The following ARSK variants were observed in gnomAD, a reference collection of about 807,000 sequenced individuals.
ARSK encodes arylsulfatase K.
ARSK carries 37 observed loss-of-function variants against 53.2 expected under a neutral mutation model. The ratio of observed to expected loss-of-function variants is 0.70; its 90% CI spans 0.54 to 0.92. The LOEUF is 0.92. Ranked by LOEUF, ARSK falls within the 40% of genes least tolerant of loss-of-function variation. The pLI is 0.00. For missense variants in ARSK, 613 were observed against 643.0 expected, an observed-to-expected ratio of 0.95 and a Z score of 0.51; for synonymous variants, 208 against 223.2, an observed-to-expected ratio of 0.93 and a Z score of 0.61.
intron 6 of ARSK, among the ~76,000 whole-genome samples, chr5:95,597,597 A>G (rs915899953): frequency 2.0e-5 from 3 of 152,188 alleles, no homozygotes; most frequent in Non-Finnish European, 4.4e-5. Context: ...TTTCTCATCA[A>G]TGAAAATGGG....
intron 3 of ARSK, among the ~76,000 whole-genome samples, chr5:95,572,893 C>G (rs924094969): frequency 3.9e-5 from 6 of 152,184 alleles, no homozygotes; most frequent in Non-Finnish European, 7.3e-5. Context: ...ACACCACCCC[C>G]ACCTCTACCC....
Position 95,586,841 on chromosome 5 carries a change from A to C in ARSK, c.871+108A>C, listed in dbSNP as rs1749121399. 3.2e-6 allele frequency: 3 copies of C among 927,900 alleles called. No homozygotes were observed. The South Asian group carries it at 6.3e-5, about 20-fold the overall frequency. The allele number at this position is 927,900 out of a possible 1,614,324, so 57.5% of individuals were successfully genotyped here. A position where few individuals can be genotyped will look rare whatever the true frequency, so the allele number is the denominator to read the frequency against. Reference sequence around the variant, plus strand: ...CTTTCTTACAAAGTTGCTTATAACTATAGGAATCTTGACACTTATCAAAAC... The same window carrying C: ...CTTTCTTACAAAGTTGCTTATAACTCTAGGAATCTTGACACTTATCAAAAC... On this transcript the variant is annotated intron_variant, in intron 5 of 7. Transcript: ENST00000380009.
chr5:95,585,241 C>T (rs974017123), intron 4 of ARSK, among the ~76,000 whole-genome samples: 1 of 152,152 alleles, frequency 6.6e-6, no homozygotes, highest in Non-Finnish European at 1.5e-5. Flanking sequence ...TAAACTAGTA[C>T]AACCACGATG....
At position 95,603,367 on chromosome 5, in the gene ARSK, T is replaced by C. The variant is rs1233543228; in HGVS notation, c.1452T>C (p.Asn484=). Residue 484 remains asparagine (N), a synonymous_variant, in exon 8 of 8, where the codon AAT becomes AAC. Transcript: ENST00000380009. ...TTTCTGCTTCTGTCCACCAGTATAATAAAGAGCAGTTTATCAAGTGGAAAC... is the reference window on the plus strand; with the variant it reads ...TTTCTGCTTCTGTCCACCAGTATAACAAAGAGCAGTTTATCAAGTGGAAAC... ...PKVSASVHQY[N]KEQFIKWKQS... 1.2e-6 allele frequency: 2 copies of C among 1,613,608 alleles called. No individual in the cohort carries two copies. Among genetic ancestry groups the C allele is most frequent in the Non-Finnish European group, 1.7e-6 (2 of 1,179,790 alleles).
intron 3 of ARSK, among the ~76,000 whole-genome samples, chr5:95,574,670 C>T (rs953113131): frequency 3.3e-5 from 5 of 151,408 alleles, no homozygotes; most frequent in Non-Finnish European, 7.4e-5. Flanking sequence ...AGATCTTTTG[C>T]CCATTATTTA....
chr5:95,573,225 A>G (rs1456805085), intron 3 of ARSK, among the ~76,000 whole-genome samples: 1 of 152,170 alleles, frequency 6.6e-6, no homozygotes, highest in Non-Finnish European at 1.5e-5. Flanking sequence ...ACACTATTAC[A>G]TCAATTTTTT....
intron 6 of ARSK, among the ~76,000 whole-genome samples, chr5:95,598,626 A>T (rs191436662): frequency 6.6e-6 from 1 of 152,234 alleles, no homozygotes; most frequent in African/African-American, 2.4e-5. Flanking sequence ...TGTTAGTGTC[A>T]GACTGTCACA....
intron 6 of ARSK, among the ~76,000 whole-genome samples, chr5:95,599,002 C>T (rs930808174): frequency 6.6e-6 from 1 of 152,192 alleles, no homozygotes; most frequent in African/African-American, 2.4e-5. Flanking sequence ...CCATCACTCT[C>T]TATCTCCCTT....
At chr5:95,556,191 T>C in intron 1 of ARSK, 1 of 702,376 alleles carries the variant, frequency 1.4e-6, no homozygotes, top group South Asian at 1.5e-5. Context: ...TCATATGTTG[T>C]ATTTCCTTTC....
Position 95,555,205 on chromosome 5 carries a change from C to G in ARSK, c.-74C>G. ...TTTGGGAGTTGTTCGCTGTCCCTGCCCTGCTCTGCTAGGGAGAGAACGCCA... is the reference window on the plus strand; with the variant it reads ...TTTGGGAGTTGTTCGCTGTCCCTGCGCTGCTCTGCTAGGGAGAGAACGCCA... On this transcript the variant is annotated 5_prime_UTR_variant, in exon 1 of 8. Coordinates refer to ENST00000380009, the MANE Select transcript of ARSK (RefSeq NM_198150.3). The surrounding 1 kb of genome is among the most constrained non-coding windows in gnomAD (Gnocchi z 4.0). 6.8e-7 allele frequency: 1 copy of G among 1,462,194 alleles called. No homozygotes were observed. The highest frequency in any genetic ancestry group is 9.2e-7 in the Non-Finnish European group (1 of 1,086,298). 90.6% of individuals were successfully genotyped at this position (1,462,194 alleles called of 1,614,324 possible). A position where few individuals can be genotyped will look rare whatever the true frequency, so the allele number is the denominator to read the frequency against.
chr5:95,582,020 G>A (rs997570720), intron 3 of ARSK, among the ~76,000 whole-genome samples: 3 of 151,934 alleles, frequency 2.0e-5, no homozygotes, highest in African/African-American at 7.3e-5. Flanking sequence ...TAGTCATTTT[G>A]TATGAATTGC....
In ARSK at chr5:95,555,140, G is replaced by T. The variant is rs1316100884; in HGVS notation, c.-139G>T. ...CCTGATAGGAGTTGTAGTTCTGCGG[G>T]TGAAGCTCGGCGTTACTATCAAGCA... is the stretch of plus-strand genomic sequence containing the variant. On this transcript the variant is annotated 5_prime_UTR_variant, in exon 1 of 8. Transcript: ENST00000380009. This position sits in a 1 kb window ranked among gnomAD's most constrained non-coding sequence, Gnocchi z 4.0. The T allele has an allele frequency of 2.9e-6, 2 of 678,868 alleles. No homozygotes were observed. The highest frequency in any genetic ancestry group is 3.7e-5 in the African/African-American group (2 of 53,746). 42.1% of individuals were successfully genotyped at this position (678,868 alleles called of 1,614,324 possible). A position where few individuals can be genotyped will look rare whatever the true frequency, so the allele number is the denominator to read the frequency against.
intron 1 of ARSK, among the ~76,000 whole-genome samples, chr5:95,559,248 T>C (rs775517169): frequency 5.9e-5 from 9 of 152,262 alleles, no homozygotes; most frequent in Admixed American, 3.3e-4. Context: ...AGAGCAAAGA[T>C]CCTCAACAAA....
intron 3 of ARSK, among the ~76,000 whole-genome samples, chr5:95,572,169 A>G (rs1047442649): frequency 2.6e-5 from 4 of 152,192 alleles, no homozygotes; most frequent in African/African-American, 9.7e-5. Flanking sequence ...ACACCACACC[A>G]TACTAGGATC....
chr5:95,579,535 A>G (rs1041165531), intron 3 of ARSK, among the ~76,000 whole-genome samples: 3 of 152,232 alleles, frequency 2.0e-5, no homozygotes, highest in Admixed American at 2.0e-4. Context: ...AATGAGTCCC[A>G]TCAGGTCCCT....
chr5:95,572,726 C>A (rs369235790), intron 3 of ARSK, among the ~76,000 whole-genome samples: 1 of 149,222 alleles, frequency 6.7e-6, no homozygotes, highest in African/African-American at 2.6e-5. Flanking sequence ...TGCAGCGAGC[C>A]GAGATTGCAC....
chr5:95,579,408 A>G (rs1177324064), intron 3 of ARSK, among the ~76,000 whole-genome samples: 1 of 152,238 alleles, frequency 6.6e-6, no homozygotes, highest in East Asian at 1.9e-4. Flanking sequence ...GGCAGCAGGC[A>G]AAAGAGAATG....
rs373447109 is a variant in ARSK, at chr5:95,557,917, C to T, written c.126+2513C>T. Among the ~76,000 whole-genome samples the T allele has an allele frequency of 7.9e-5, 12 of 152,200 alleles. 1 individual carries two copies. The highest frequency in any genetic ancestry group is 2.9e-4 in the African/African-American group (12 of 41,534). ...TGGAAACTGTCCTAAGGTCATACAC[C>T]AAATGAAGAAACATTTATTCAAGAA... is the stretch of plus-strand genomic sequence containing the variant. On this transcript the variant is annotated intron_variant, in intron 1 of 7. Coordinates refer to ENST00000380009, the MANE Select transcript of ARSK (RefSeq NM_198150.3).
intron 3 of ARSK, among the ~76,000 whole-genome samples, chr5:95,576,799 C>T (rs1748931616): frequency 6.6e-6 from 1 of 151,988 alleles, no homozygotes; most frequent in Non-Finnish European, 1.5e-5. Context: ...CCTGCCAGAC[C>T]CTTTTTGGCT....
Sources: gnomAD v4.1 joint callset for allele counts (sites outside exome capture counted in the v4.1 genomes callset) on GRCh38, gnomAD v4.1.1 for gene constraint, Gnocchi (gnomAD v3.1) non-coding constraint, MANE v1.5 for transcripts, NCBI Gene and HGNC (gene_info 2026-07-23, HGNC 2026-07-21) for gene names.